FIGN: variants seen among roughly 807,000 people sequenced by gnomAD.
The protein encoded by FIGN is fidgetin, microtubule severing factor, also known as fidgetin.
Under a neutral mutation model 51.3 loss-of-function variants are expected in FIGN, and 11 were observed. That is an observed-to-expected ratio of 0.21 (90% CI 0.13 to 0.35). The LOEUF (loss-of-function observed/expected upper bound fraction) is 0.35. FIGN is among the 10% of genes least tolerant of loss of function. The pLI is 1.00. For missense variants in FIGN, 857 were observed against 943.6 expected, an observed-to-expected ratio of 0.91 and a Z score of 1.20; for synonymous variants, 407 against 363.2, an observed-to-expected ratio of 1.12 and a Z score of -1.37.
intron 2 of FIGN, among the ~76,000 whole-genome samples, chr2:163,619,472 T>C (rs1456941549): frequency 6.6e-6 from 1 of 152,134 alleles, no homozygotes; most frequent in African/African-American, 2.4e-5. Context: ...ATGATCTGAA[T>C]TGGGTTCTCT....
intron 2 of FIGN, among the ~76,000 whole-genome samples, chr2:163,656,963 A>G (rs1683568770): frequency 6.6e-6 from 1 of 152,140 alleles, no homozygotes; most frequent in Non-Finnish European, 1.5e-5. Flanking sequence ...TATTGTTCTG[A>G]ATGTATATGG....
intron 2 of FIGN, among the ~76,000 whole-genome samples, chr2:163,698,855 G>T (rs569072696): frequency 6.6e-6 from 1 of 152,072 alleles, no homozygotes; most frequent in Non-Finnish European, 1.5e-5. Flanking sequence ...TTAAGTTCCC[G>T]TCAGTAAGAA....
chr2:163,652,361 A>ACACAC (rs776188112), intron 2 of FIGN, among the ~76,000 whole-genome samples: 1,816 of 139,402 alleles, frequency 0.013, 53 homozygotes, highest in African/African-American at 0.038. Context: ...CACACACACA[A>ACACAC]ACACACACAC....
rs141764346 is a variant in FIGN at position 163,663,898 on chromosome 2, GA to G, written c.26-52093del. ...ACTCCATCTCCAAAAGAAAAGAAAA[GA>G]AAAAAAAAAGATAGTTTACTCTTTG... On this transcript the variant is annotated intron_variant, in intron 2 of 2. Coordinates refer to ENST00000333129, the MANE Select transcript of FIGN (RefSeq NM_018086.4). 1.5e-4 allele frequency among the ~76,000 whole-genome samples: 22 copies of G among 145,766 alleles called. No homozygotes were observed. The East Asian group carries it at 3.1e-3, about 20-fold the overall frequency.
intron 2 of FIGN, among the ~76,000 whole-genome samples, chr2:163,733,162 A>AT: frequency 6.6e-6 from 1 of 152,184 alleles, no homozygotes; most frequent in Non-Finnish European, 1.5e-5. Flanking sequence ...AGTTAACATC[A>AT]TTTGCACATC....
At chr2:163,611,934 A>G in intron 2 of FIGN, 128 bp from the exon 3 acceptor site, 1 of 675,840 alleles carries the variant, frequency 1.5e-6, no homozygotes, top group African/African-American at 1.8e-5. Context: ...AAAGATCTAC[A>G]CTGTTTATAA....
intron 2 of FIGN, among the ~76,000 whole-genome samples, chr2:163,701,087 A>C (rs1684401336): frequency 6.6e-6 from 1 of 152,140 alleles, no homozygotes; most frequent in Non-Finnish European, 1.5e-5. Context: ...TGCATTTCTT[A>C]TCTCCCTAAT....
intron 2 of FIGN, among the ~76,000 whole-genome samples, chr2:163,630,657 A>C (rs557555814): frequency 7.2e-6 from 1 of 138,146 alleles, no homozygotes; most frequent in East Asian, 2.2e-4. Context: ...AGATTTAGCA[A>C]GGATTTGTAC....
At chr2:163,638,744 A>G (rs556535853) in intron 2 of FIGN, among the ~76,000 whole-genome samples, 55 of 152,252 alleles carry the variant, frequency 3.6e-4, no homozygotes, top group African/African-American at 1.3e-3. Flanking sequence ...CAATCAATCA[A>G]TTACGCTGTG....
intron 2 of FIGN, among the ~76,000 whole-genome samples, chr2:163,657,138 G>A (rs999229733): frequency 4.0e-5 from 6 of 149,726 alleles, no homozygotes; most frequent in African/African-American, 9.8e-5. Context: ...AAACAGAAAT[G>A]GTTGCCAAGG....
intron 2 of FIGN, among the ~76,000 whole-genome samples, chr2:163,695,967 C>T (rs1240668117): frequency 6.6e-6 from 1 of 152,022 alleles, no homozygotes; most frequent in Non-Finnish European, 1.5e-5. Flanking sequence ...AAAAATTAGC[C>T]GGGCATGGTG....
At chr2:163,639,399 T>C (rs1683273806) in intron 2 of FIGN, among the ~76,000 whole-genome samples, 1 of 152,174 alleles carries the variant, frequency 6.6e-6, no homozygotes, top group Non-Finnish European at 1.5e-5. Context: ...ATAAGCTTTA[T>C]TGTGCAGATT....
At chr2:163,673,545 T>C (rs1359458447) in intron 2 of FIGN, among the ~76,000 whole-genome samples, 1 of 152,142 alleles carries the variant, frequency 6.6e-6, no homozygotes, top group Non-Finnish European at 1.5e-5. Flanking sequence ...CAATTACATA[T>C]GCTAGTTTCA....
chr2:163,612,414 C>T (rs1254297284), intron 2 of FIGN: 25 of 985,222 alleles, frequency 2.5e-5, no homozygotes, highest in East Asian at 2.3e-4. Context: ...GCAGGTCATT[C>T]CATAATCCAA....
chr2:163,611,927 G>T lies in FIGN; in HGVS notation c.26-121C>A, dbSNP rs2231897. The T allele has an allele frequency of 1.6e-4, 108 of 692,086 alleles. No homozygotes were observed. The African/African-American group carries it at 1.9e-3, about 12-fold the overall frequency. 42.9% of individuals were successfully genotyped at this position (692,086 alleles called of 1,614,324 possible). On this transcript the variant is annotated intron_variant, in intron 2 of 2. Transcript: ENST00000333129. ...CATTAATGATATGCATACTTTAAAA[G>T]ATCTACACTGTTTATAATACCTATT... is the stretch of plus-strand genomic sequence containing the variant.
intron 2 of FIGN, among the ~76,000 whole-genome samples, chr2:163,664,137 G>A (rs909975507): frequency 7.9e-5 from 12 of 152,258 alleles, no homozygotes; most frequent in African/African-American, 2.9e-4. Flanking sequence ...GACTGAGGAT[G>A]TAGATGAGGC....
intron 2 of FIGN, among the ~76,000 whole-genome samples, chr2:163,678,130 G>A (rs757345959): frequency 3.9e-5 from 6 of 152,168 alleles, no homozygotes; most frequent in Admixed American, 6.5e-5. Flanking sequence ...TATTTTATTC[G>A]AATTTCCTTA....
chr2:163,726,657 A>G (rs1462146029), intron 2 of FIGN, among the ~76,000 whole-genome samples: 1 of 152,078 alleles, frequency 6.6e-6, no homozygotes, highest in Non-Finnish European at 1.5e-5. Flanking sequence ...TGTCCCTGAC[A>G]TCAATACCTT....
At chr2:163,722,199 G>A (rs1684769170) in intron 2 of FIGN, among the ~76,000 whole-genome samples, 1 of 152,196 alleles carries the variant, frequency 6.6e-6, no homozygotes, top group South Asian at 2.1e-4. Flanking sequence ...TTAGATAAAG[G>A]TCCCAATTAA....
Sources: gnomAD v4.1 joint callset for allele counts (sites outside exome capture counted in the v4.1 genomes callset) on GRCh38, gnomAD v4.1.1 for gene constraint, MANE v1.5 for transcripts, NCBI Gene and HGNC (gene_info 2026-07-23, HGNC 2026-07-21) for gene names.